Variants in SULF2 observed in about 807,000 individuals in gnomAD.
SULF2 encodes sulfatase 2.
A neutral mutation model predicts 107.7 loss-of-function variants in SULF2; 52 were observed. The observed-to-expected ratio is 0.48, with a 90% CI of 0.39 to 0.61. The LOEUF (loss-of-function observed/expected upper bound fraction) is 0.61. Ranked by LOEUF, SULF2 falls within the 20% of genes least tolerant of loss-of-function variation. SULF2 has a pLI of 0.00. For missense variants in SULF2, 993 were observed against 1,177.3 expected, an observed-to-expected ratio of 0.84 and a Z score of 2.29; for synonymous variants, 460 against 464.3, an observed-to-expected ratio of 0.99 and a Z score of 0.12.
intron 3 of SULF2, among the ~76,000 whole-genome samples, chr20:47,712,044 G>A (rs562836414): frequency 6.7e-4 from 102 of 152,204 alleles, no homozygotes; most frequent in African/African-American, 2.3e-3. Flanking sequence ...ACACATACAC[G>A]AATACACAAC....
chr20:47,678,509 G>GGACCATGCTTCTCTCCCACGGT lies in SULF2; in HGVS notation c.1193+166_1193+167insACCGTGGGAGAGAAGCATGGTC. 5 of 871,284 alleles carry GGACCATGCTTCTCTCCCACGGT rather than the reference G, an allele frequency of 5.7e-6. No homozygotes were observed. Among genetic ancestry groups the GGACCATGCTTCTCTCCCACGGT allele is most frequent in the Non-Finnish European group, 8.9e-6 (5 of 564,014 alleles). 54.0% of individuals were successfully genotyped at this position (871,284 alleles called of 1,614,324 possible). A position where few individuals can be genotyped will look rare whatever the true frequency, so the allele number is the denominator to read the frequency against. On this transcript the variant is annotated intron_variant, in intron 8 of 20. Coordinates refer to ENST00000688720, the MANE Select transcript of SULF2 (RefSeq NM_001387048.1). The surrounding 1 kb of genome is among the most constrained non-coding windows in gnomAD (Gnocchi z 4.5). ...ATGGGAAGACAGAATCTCGGAGAGG[G>GGACCATGCTTCTCTCCCACGGT]GACCATGCTTCTCTCCCACAGCAGG...
At chr20:47,700,791 G>A (rs758474121) in intron 4 of SULF2, among the ~76,000 whole-genome samples, 12 of 151,894 alleles carry the variant, frequency 7.9e-5, no homozygotes, top group African/African-American at 2.4e-4. Context: ...GATTACAGGC[G>A]CCCGCCACCA....
intron 1 of SULF2, among the ~76,000 whole-genome samples, chr20:47,780,028 T>C (rs1277920919): frequency 6.7e-6 from 1 of 150,292 alleles, no homozygotes. Context: ...TTTTTTTTTT[T>C]TTTTTTGAGA....
intron 18 of SULF2, chr20:47,661,301 A>G (rs1441199272): frequency 4.6e-5 from 7 of 150,636 alleles, no homozygotes; most frequent in Non-Finnish European, 1.0e-4. Flanking sequence ...CAGAGGTCTG[A>G]CCCTGGTTTT....
chr20:47,766,607 C>T (rs1001748801), intron 1 of SULF2, among the ~76,000 whole-genome samples: 13 of 152,176 alleles, frequency 8.5e-5, no homozygotes, highest in Admixed American at 4.6e-4. Context: ...GTTCTTGGCA[C>T]TGTGGATAAA....
chr20:47,725,076 C>A (rs2089403229), intron 3 of SULF2, among the ~76,000 whole-genome samples: 1 of 152,184 alleles, frequency 6.6e-6, no homozygotes, highest in African/African-American at 2.4e-5. Context: ...AGTAGTCAGG[C>A]AGACGCCTGC....
At chr20:47,690,383 T>G in intron 4 of SULF2, 88 bp from the exon 5 acceptor site, 1 of 1,078,436 alleles carries the variant, frequency 9.3e-7, no homozygotes, top group South Asian at 3.1e-5. Flanking sequence ...TGCTAGGCAC[T>G]GGGGACACAA....
At chr20:47,740,913 C>T (rs2089863562) in intron 2 of SULF2, among the ~76,000 whole-genome samples, 1 of 152,140 alleles carries the variant, frequency 6.6e-6, no homozygotes. Context: ...CGAAGCCACT[C>T]CCCTTTCCTC....
chr20:47,745,853 T>C (rs1568893538), intron 2 of SULF2, among the ~76,000 whole-genome samples: 1 of 152,150 alleles, frequency 6.6e-6, no homozygotes, highest in Non-Finnish European at 1.5e-5. Context: ...TCAACAAGTA[T>C]CGTCTCACGC....
At position 47,684,369 on chromosome 20, in the gene SULF2, G is replaced by A. The variant is rs559589982; in HGVS notation, c.888+62C>T. 64 of 1,506,352 alleles carry A rather than the reference G, an allele frequency of 4.2e-5. No individual in the cohort carries two copies. In the Middle Eastern group the frequency reaches 6.1e-4, roughly 14 times the overall value. 93.3% of individuals were successfully genotyped at this position (1,506,352 alleles called of 1,614,324 possible). A position where few individuals can be genotyped will look rare whatever the true frequency, so the allele number is the denominator to read the frequency against. Reference sequence around the variant, plus strand: ...AAACCCTGAAGGGCCAGGAGGTCTCGGCCCTGGCCTGGCTGGGGGTTCGGA... The same window carrying A: ...AAACCCTGAAGGGCCAGGAGGTCTCAGCCCTGGCCTGGCTGGGGGTTCGGA... On this transcript the variant is annotated intron_variant, in intron 6 of 20. Transcript: ENST00000688720.
chr20:47,672,805 T>G (rs548084935), intron 10 of SULF2, among the ~76,000 whole-genome samples: 1 of 152,296 alleles, frequency 6.6e-6, no homozygotes, highest in African/African-American at 2.4e-5. Context: ...AATCTGGCCC[T>G]GGCCTACCCA....
chr20:47,770,777 C>T (rs562121206), intron 1 of SULF2, among the ~76,000 whole-genome samples: 20 of 152,168 alleles, frequency 1.3e-4, no homozygotes, highest in Non-Finnish European at 2.2e-4. Context: ...GGAGGGGCTG[C>T]GGAGTGGGCA....
chr20:47,677,158 T>G, intron 8 of SULF2, 24 bp from the exon 9 acceptor site: 1 of 1,613,456 alleles, frequency 6.2e-7, no homozygotes, highest in Non-Finnish European at 8.5e-7. Flanking sequence ...CGGCTCCTGC[T>G]TCTCAGCAAC....
intron 10 of SULF2, among the ~76,000 whole-genome samples, chr20:47,675,606 C>T (rs1299345626): frequency 6.6e-6 from 1 of 152,146 alleles, no homozygotes; most frequent in Non-Finnish European, 1.5e-5. Context: ...CCTGGTTTTG[C>T]TTTTTCTCAT....
intron 2 of SULF2, among the ~76,000 whole-genome samples, chr20:47,737,390 A>G (rs2089762105): frequency 6.6e-6 from 1 of 151,080 alleles, no homozygotes; most frequent in Non-Finnish European, 1.5e-5. Context: ...ACCAACCACC[A>G]TGTAAATTGA....
At chr20:47,691,881 T>C (rs1205128547) in intron 4 of SULF2, among the ~76,000 whole-genome samples, 2 of 152,194 alleles carry the variant, frequency 1.3e-5, no homozygotes, top group African/African-American at 2.4e-5. Flanking sequence ...GGTTTGCCTA[T>C]ACTCTTTAAT....
chr20:47,709,838 AAGAGATAG>A (rs796575994), intron 3 of SULF2, among the ~76,000 whole-genome samples: 41 of 151,226 alleles, frequency 2.7e-4, no homozygotes, highest in South Asian at 6.3e-4. Context: ...AGAGAGATAC[AAGAGATAG>A]AGAGATAGAG....
intron 10 of SULF2, among the ~76,000 whole-genome samples, chr20:47,673,620 C>A (rs2087548045): frequency 6.6e-6 from 1 of 152,194 alleles, no homozygotes; most frequent in African/African-American, 2.4e-5. Flanking sequence ...TAATTGCATT[C>A]ACAGCGCCCT....
At chr20:47,668,360 T>G (rs2087346761) in intron 11 of SULF2, among the ~76,000 whole-genome samples, 1 of 152,202 alleles carries the variant, frequency 6.6e-6, no homozygotes, top group Non-Finnish European at 1.5e-5. Flanking sequence ...GCCCAAGACC[T>G]TTACTCTCTG....
Sources: allele counts gnomAD v4.1 joint callset (sites outside exome capture counted in the v4.1 genomes callset), GRCh38; gene constraint gnomAD v4.1.1; non-coding constraint Gnocchi (gnomAD v3.1); transcripts MANE v1.5; gene names NCBI Gene and HGNC (gene_info 2026-07-23, HGNC 2026-07-21).